Variants in ZBTB1 observed in about 807,000 individuals in gnomAD.
ZBTB1 encodes the protein zinc finger and BTB domain-containing protein 1.
In ZBTB1, 13 loss-of-function variants were observed where a neutral mutation model predicts 51.6. The ratio of observed to expected loss-of-function variants is 0.25; its 90% CI spans 0.16 to 0.40. The LOEUF (loss-of-function observed/expected upper bound fraction) is 0.40, where lower values mean the gene tolerates loss of function less well. ZBTB1 is among the 10% of genes least tolerant of loss of function. The pLI, the probability that ZBTB1 is intolerant of heterozygous loss-of-function variation, is 1.00. For missense variants in ZBTB1, 567 were observed against 856.5 expected, an observed-to-expected ratio of 0.66 and a Z score of 4.22; for synonymous variants, 240 against 282.2, an observed-to-expected ratio of 0.85 and a Z score of 1.50.
rs2079864228 is a variant in ZBTB1 at position 64,521,980 on chromosome 14, G to A, written c.476G>A (p.Trp159Ter). Residue 159 changes from tryptophan to a stop codon, truncating the protein, a stop_gained, in exon 2 of 2, where the codon TGG becomes TAG. Transcript: ENST00000683701. LOFTEE classifies it high-confidence loss of function. ...VARNGNEANR[W>*]CAEPSSTVNT... ...CGAAATGGCAATGAAGCCAACAGGT[G>A]GTGTGCAGAGCCAAGTTCAACGGTA... 6.2e-7 allele frequency: 1 copy of A among 1,614,116 alleles called. No individual in the cohort carries two copies. Among genetic ancestry groups the A allele is most frequent in the Non-Finnish European group, 8.5e-7 (1 of 1,180,058 alleles).
intron 1 of ZBTB1, 195 bp downstream of exon 1, chr14:64,505,141 C>T (rs1418362319): frequency 1.2e-5 from 4 of 340,542 alleles, no homozygotes; most frequent in Non-Finnish European, 2.1e-5. Flanking sequence ...GCGTCAGGTC[C>T]CGGGCGTGCG....
intron 1 of ZBTB1, chr14:64,516,585 T>C (rs929368704): frequency 6.6e-6 from 1 of 152,258 alleles, no homozygotes; most frequent in African/African-American, 2.4e-5. Flanking sequence ...AGAGCACTTG[T>C]TCTTTCTACT....
intron 1 of ZBTB1, among the ~76,000 whole-genome samples, chr14:64,505,429 C>G (rs1013113459): frequency 6.6e-6 from 1 of 152,168 alleles, no homozygotes; most frequent in Non-Finnish European, 1.5e-5. Context: ...ATTCTTGTTA[C>G]GCTGTTTCCC....
intron 1 of ZBTB1, among the ~76,000 whole-genome samples, chr14:64,505,683 G>A (rs1352577460): frequency 1.3e-5 from 2 of 152,206 alleles, no homozygotes; most frequent in African/African-American, 2.4e-5. Context: ...AGCAACGCGT[G>A]TACATGATCT....
At chr14:64,531,499 T>C (rs564272644) in intron 2 of ZBTB1, among the ~76,000 whole-genome samples, 71 of 152,314 alleles carry the variant, frequency 4.7e-4, no homozygotes, top group African/African-American at 1.6e-3. Context: ...AGATTTGTCA[T>C]TAACAAGTTA....
intron 1 of ZBTB1, among the ~76,000 whole-genome samples, chr14:64,519,459 TAAAA>T (rs113744354): frequency 8.9e-5 from 12 of 135,072 alleles, no homozygotes; most frequent in Admixed American, 5.2e-4. Context: ...TTTTAACAAT[TAAAA>T]AAAAAAAAAA....
In ZBTB1 at chr14:64,522,364, A is replaced by T; in HGVS notation, c.860A>T (p.Asp287Val). 6.2e-7 allele frequency: 1 copy of T among 1,614,178 alleles called. No homozygotes were observed. The highest frequency in any genetic ancestry group is 1.7e-5 in the Admixed American group (1 of 60,028). The change falls in exon 2 of 2, where the codon GAC becomes GTC. Residue 287 changes from aspartate to valine, a missense_variant. Asp to Val is a radical substitution (Grantham distance 152). Around this residue, in one of 5 missense-constraint regions of ZBTB1, gnomAD observed 329 missense variants for 406.3 expected, o/e 0.81. Coordinates refer to ENST00000683701, the MANE Select transcript of ZBTB1 (RefSeq NM_001123329.2). ...FSAQTDKYRG[D>V]TSQAADDSAS... ...GCACAGACGGACAAATACAGAGGAG[A>T]CACAAGCCAGGCTGCTGATGATTCA... is the stretch of plus-strand genomic sequence containing the variant.
At chr14:64,521,056 T>A (rs1416234937) in intron 1 of ZBTB1, among the ~76,000 whole-genome samples, 1 of 152,116 alleles carries the variant, frequency 6.6e-6, no homozygotes, top group Non-Finnish European at 1.5e-5. Flanking sequence ...AGAGAAGAGG[T>A]CTCACACTAT....
intron 1 of ZBTB1, among the ~76,000 whole-genome samples, chr14:64,520,057 A>T (rs1188088577): frequency 6.6e-6 from 1 of 152,064 alleles, no homozygotes; most frequent in Non-Finnish European, 1.5e-5. Context: ...GCTGGAGTGC[A>T]GTGGTGCGAT....
chr14:64,517,143 C>G (rs1022484901), intron 1 of ZBTB1, among the ~76,000 whole-genome samples: 1 of 152,336 alleles, frequency 6.6e-6, no homozygotes, highest in African/African-American at 2.4e-5. Flanking sequence ...ACCACCATTA[C>G]AACATCCACT....
downstream of ZBTB1, among the ~76,000 whole-genome samples, chr14:64,527,684 ATC>A (rs2079914083): frequency 6.6e-6 from 1 of 152,150 alleles, no homozygotes; most frequent in African/African-American, 2.4e-5. Flanking sequence ...AGGCAGGAGA[ATC>A]TCTTGAACTT....
chr14:64,526,428 G>T (rs1359348744), downstream of ZBTB1, among the ~76,000 whole-genome samples: 1 of 152,114 alleles, frequency 6.6e-6, no homozygotes. Context: ...CAGATCTTCT[G>T]CCTTTGTAAC....
At chr14:64,513,424 A>G (rs142030741) in intron 1 of ZBTB1, among the ~76,000 whole-genome samples, 1,582 of 152,258 alleles carry the variant, frequency 0.01, 11 homozygotes, top group Non-Finnish European at 0.017. Flanking sequence ...AGTCCAGTAA[A>G]GCAAATCTAC....
Position 64,504,813 on chromosome 14 carries a change from C to A in ZBTB1, c.-152C>A. On this transcript the variant is annotated 5_prime_UTR_variant, in exon 1 of 2. Coordinates refer to ENST00000683701, the MANE Select transcript of ZBTB1 (RefSeq NM_001123329.2). ...GCAGAGCCAGAGCCTCTCCGCGCAG[C>A]CCAGCCCGAGCGCCGAGCGCCGCGC... 1 of 388,790 alleles carries A rather than the reference C, an allele frequency of 2.6e-6. No individual in the cohort carries two copies. Among genetic ancestry groups the A allele is most frequent in the African/African-American group, 2.1e-5 (1 of 48,150 alleles). The allele number at this position is 388,790 out of a possible 1,614,324, so 24.1% of individuals were successfully genotyped here.
intron 1 of ZBTB1, among the ~76,000 whole-genome samples, chr14:64,512,390 G>T (rs1451851055): frequency 6.6e-6 from 1 of 152,142 alleles, no homozygotes; most frequent in Non-Finnish European, 1.5e-5. Context: ...ATTAAGCCTT[G>T]TCCCTGTCTT....
At chr14:64,517,990 C>G (rs779389015) in intron 1 of ZBTB1, among the ~76,000 whole-genome samples, 24 of 151,314 alleles carry the variant, frequency 1.6e-4, no homozygotes, top group Admixed American at 3.3e-4. Flanking sequence ...TGTGCCACCA[C>G]GCCCGGCTAA....
At chr14:64,507,572 G>A (rs1485995255) in intron 1 of ZBTB1, among the ~76,000 whole-genome samples, 1 of 152,180 alleles carries the variant, frequency 6.6e-6, no homozygotes, top group Non-Finnish European at 1.5e-5. Flanking sequence ...GATGGCCTGT[G>A]GTGATTCATG....
chr14:64,511,671 G>T (rs1596687863), intron 1 of ZBTB1, among the ~76,000 whole-genome samples: 1 of 152,182 alleles, frequency 6.6e-6, no homozygotes, highest in Non-Finnish European at 1.5e-5. Context: ...AGATTGAAAT[G>T]GTGGGCCACA....
Position 64,521,812 on chromosome 14 carries a change from AC to A in ZBTB1, c.310del (p.Leu104TyrfsTer10). 6.2e-7 allele frequency: 1 copy of A among 1,611,594 alleles called. No homozygotes were observed. Among genetic ancestry groups the A allele is most frequent in the Non-Finnish European group, 8.5e-7 (1 of 1,180,040 alleles). ...SFEQFKVAMNYLQLYNVPDCL... is the reference protein window; with the variant it reads ...SFEQFKVAMNXLQLYNVPDCL... The stretch of plus-strand genomic sequence containing the variant: ...GAGCAGTTTAAAGTGGCAATGAACT[AC>A]CTACAGCTATACAATGTTCCTGACT... On this transcript the variant is annotated frameshift_variant, in exon 2 of 2. Transcript: ENST00000683701. LOFTEE classifies it high-confidence loss of function.
Sources: allele counts gnomAD v4.1 joint callset (sites outside exome capture counted in the v4.1 genomes callset), GRCh38; gene constraint gnomAD v4.1.1; regional missense constraint gnomAD v4.1.1; transcripts MANE v1.5; gene names NCBI Gene and HGNC (gene_info 2026-07-23, HGNC 2026-07-21).